Variants in CEACAM18 observed in about 807,000 individuals in gnomAD.
CEACAM18 encodes cell adhesion molecule CEACAM18.
Under a neutral mutation model 34.3 loss-of-function variants are expected in CEACAM18, and 33 were observed. The observed-to-expected ratio is 0.96, with a 90% CI of 0.73 to 1.29. The LOEUF (loss-of-function observed/expected upper bound fraction) is 1.29, where lower values mean the gene tolerates loss of function less well. CEACAM18 is among the 50% of genes most tolerant of loss of function. The pLI, the probability that CEACAM18 is intolerant of heterozygous loss-of-function variation, is 0.00. For synonymous variants in CEACAM18, 169 were observed against 180.9 expected (o/e 0.93, Z 0.53); for missense variants, 474 against 485.0 (o/e 0.98, Z 0.21).
exon 4 of CEACAM18, chr19:51,483,162 C>A: frequency 6.2e-7 from 1 of 1,614,028 alleles, no homozygotes; most frequent in South Asian, 1.1e-5. Context: ...ATGGCTCCCT[C>A]CTGAACTTCT....
At chr19:51,491,181 G>A (rs1464698947), downstream of CEACAM18, among the ~76,000 whole-genome samples, 3 of 151,340 alleles carry the variant, frequency 2.0e-5, no homozygotes, top group African/African-American at 7.3e-5. Flanking sequence ...TCGTCAGCAT[G>A]ATTAGCACAT....
chr19:51,481,641 G>A, exon 3 of CEACAM18: 3 of 1,613,348 alleles, frequency 1.9e-6, no homozygotes, highest in Non-Finnish European at 2.5e-6. Flanking sequence ...TCAGAGAAGT[G>A]AACGCATCTC....
chr19:51,481,343 G>C, intron 2 of CEACAM18, 50 bp from the exon 3 acceptor site: 1 of 1,076,796 alleles, frequency 9.3e-7, no homozygotes, highest in Non-Finnish European at 1.3e-6. Flanking sequence ...AGCAGAGCTT[G>C]GGGAAGCAGA....
chr19:51,485,504 T>C (rs1989984013), intron 5 of CEACAM18, among the ~76,000 whole-genome samples: 1 of 152,178 alleles, frequency 6.6e-6, no homozygotes, highest in Non-Finnish European at 1.5e-5. Flanking sequence ...CGGTGAACTA[T>C]GCAGGGAGAA....
chr19:51,488,792 C>T (rs1990043590), intron 5 of CEACAM18, among the ~76,000 whole-genome samples: 1 of 152,128 alleles, frequency 6.6e-6, no homozygotes, highest in African/African-American at 2.4e-5. Context: ...TCCTCATTCC[C>T]CTAAGAGCAG....
intron 3 of CEACAM18, 26 bp from the exon 4 acceptor site, chr19:51,482,991 C>T (rs1397435289): frequency 6.2e-7 from 1 of 1,608,126 alleles, no homozygotes; most frequent in Non-Finnish European, 8.5e-7. Context: ...GAAACATAGC[C>T]TGGGCCTCCT....
At chr19:51,480,289 C>G in intron 1 of CEACAM18, 44 bp from the exon 2 acceptor site, 2 of 1,449,258 alleles carry the variant, frequency 1.4e-6, no homozygotes, top group Non-Finnish European at 1.9e-6. Context: ...CAGTCTGAAT[C>G]TCTTTGTGAA....
intron 2 of CEACAM18, 91 bp downstream of exon 2, chr19:51,480,771 G>A: frequency 1.6e-6 from 2 of 1,217,236 alleles, no homozygotes; most frequent in Admixed American, 2.4e-5. Flanking sequence ...CATGACACCG[G>A]GAGTGGAAAT....
Position 51,482,927 on chromosome 19 carries a change from T to A in CEACAM18, c.674-90T>A, listed in dbSNP as rs367801694. The A allele has an allele frequency of 2.6e-6, 4 of 1,512,880 alleles. No homozygotes were observed. The South Asian group carries it at 4.9e-5, about 19-fold the overall frequency. The allele number at this position is 1,512,880 out of a possible 1,614,324, so 93.7% of individuals were successfully genotyped here. A position where few individuals can be genotyped will look rare whatever the true frequency, so the allele number is the denominator to read the frequency against. ...CTAGGGGTTAGCCCGAGGTGCACAATGGGGAACCTCCTGGCTGGGGGAGGA... is the reference window on the plus strand; with the variant it reads ...CTAGGGGTTAGCCCGAGGTGCACAAAGGGGAACCTCCTGGCTGGGGGAGGA... On this transcript the variant is annotated intron_variant, in intron 3 of 5. Coordinates refer to ENST00000396477, the Ensembl canonical transcript of CEACAM18.
chr19:51,481,437 G>A (rs777351637), exon 3 of CEACAM18: 2 of 1,613,982 alleles, frequency 1.2e-6, no homozygotes, highest in Non-Finnish European at 1.7e-6. Context: ...CAGCTCCCTG[G>A]TGGAGAACAT....
chr19:51,483,611 T>C (rs964155), intron 4 of CEACAM18, among the ~76,000 whole-genome samples: 3 of 152,318 alleles, frequency 2.0e-5, no homozygotes, highest in Admixed American at 6.5e-5. Flanking sequence ...GTGAATGCGA[T>C]TGGCATCACC....
chr19:51,484,582 T>G (rs1235843602), intron 4 of CEACAM18, among the ~76,000 whole-genome samples: 1 of 114,458 alleles, frequency 8.7e-6, no homozygotes, highest in Non-Finnish European at 2.1e-5. Flanking sequence ...GCGAGCTTTC[T>G]GTTTTCCATT....
exon 3 of CEACAM18, chr19:51,481,645 G>T: frequency 1.9e-6 from 3 of 1,612,956 alleles, no homozygotes; most frequent in Non-Finnish European, 2.5e-6. Context: ...AGAAGTGAAC[G>T]CATCTCTCTG....
chr19:51,488,595 G>GAGAGGTCTCAAGACA (rs1296407752), intron 5 of CEACAM18, among the ~76,000 whole-genome samples: 2 of 152,220 alleles, frequency 1.3e-5, no homozygotes, highest in Non-Finnish European at 2.9e-5. Context: ...TAGTCTTCAA[G>GAGAGGTCTCAAGACA]AGAGGTCTCA....
chr19:51,487,255 A>G (rs1327355104), intron 5 of CEACAM18, among the ~76,000 whole-genome samples: 6 of 152,160 alleles, frequency 3.9e-5, no homozygotes, highest in African/African-American at 4.8e-5. Context: ...CAAGCAGATT[A>G]CTTGAGCCCA....
chr19:51,484,241 G>A (rs1989964285), intron 4 of CEACAM18, among the ~76,000 whole-genome samples: 1 of 151,990 alleles, frequency 6.6e-6, no homozygotes, highest in Non-Finnish European at 1.5e-5. Flanking sequence ...ATGTGTGCAT[G>A]CAGCCCTCCA....
rs572982753 is a variant in CEACAM18, at chr19:51,487,784, AAAAT to A, written c.1089+2669_1089+2672del. Reference sequence around the variant, plus strand: ...GGCGACAGTGCGAGACTCCATCTCAAAAATAAATAAGTAAATAATCTGTGAAGAA... The same window carrying A: ...GGCGACAGTGCGAGACTCCATCTCAAAAATAAGTAAATAATCTGTGAAGAA... On this transcript the variant is annotated intron_variant, in intron 5 of 5. Transcript: ENST00000396477. Among the ~76,000 whole-genome samples, 480 of 152,346 alleles carry A rather than the reference AAAAT, an allele frequency of 3.2e-3. 2 individuals carry two copies. Among genetic ancestry groups the A allele is most frequent in the African/African-American group, 0.011 (455 of 41,582 alleles).
intron 5 of CEACAM18, 55 bp downstream of exon 5, chr19:51,485,177 G>A (rs1599944754): frequency 2.8e-6 from 4 of 1,440,452 alleles, no homozygotes; most frequent in Admixed American, 2.5e-5. Flanking sequence ...CTGGGACTCA[G>A]GAGCCAGCCC....
chr19:51,484,841 T>A, intron 4 of CEACAM18, 146 bp from the exon 5 acceptor site: 1 of 1,002,472 alleles, frequency 1.0e-6, no homozygotes, highest in Non-Finnish European at 1.5e-6. Flanking sequence ...TGTTGGCTGC[T>A]GAATCCCTCG....
Sources: gnomAD v4.1 joint callset for allele counts (sites outside exome capture counted in the v4.1 genomes callset) on GRCh38, gnomAD v4.1.1 for gene constraint, MANE v1.5 for transcripts, NCBI Gene and HGNC (gene_info 2026-07-23, HGNC 2026-07-21) for gene names.